Variants in KCNQ1 observed in about 807,000 individuals in gnomAD.
The protein encoded by KCNQ1 is potassium voltage-gated channel subfamily KQT member 1.
A neutral mutation model predicts 72.4 loss-of-function variants in KCNQ1; 49 were observed. The observed-to-expected ratio is 0.68, with a 90% CI of 0.54 to 0.86. The LOEUF (loss-of-function observed/expected upper bound fraction) is 0.86, where lower values mean the gene tolerates loss of function less well. Ranked by LOEUF, KCNQ1 falls within the 40% of genes least tolerant of loss-of-function variation. The probability of loss-of-function intolerance (pLI) is 0.00; values close to 1 mark genes in which losing one functional copy is unlikely to be tolerated. For synonymous variants in KCNQ1, 450 were observed against 412.6 expected (o/e 1.09, Z -1.10); for missense variants, 790 against 945.1 (o/e 0.84, Z 2.15).
rs1172006223 is a variant in KCNQ1 at position 2,462,641 on chromosome 11, G to T, written c.386+17157G>T. On this transcript the variant is annotated intron_variant, in intron 1 of 15. Transcript: ENST00000155840. This position sits in a 1 kb window ranked among gnomAD's most constrained non-coding sequence, Gnocchi z 8.2. ...CTGACTTCTGTGTGCCCTGGGGCCTGCTCTCTTGGTAGGGGTTGACCCTGC... is the reference window on the plus strand; with the variant it reads ...CTGACTTCTGTGTGCCCTGGGGCCTTCTCTCTTGGTAGGGGTTGACCCTGC... Among the ~76,000 whole-genome samples, 1 of 152,066 alleles carries T rather than the reference G, an allele frequency of 6.6e-6. No individual in the cohort carries two copies. The highest frequency in any genetic ancestry group is 1.5e-5 in the Non-Finnish European group (1 of 68,000).
In KCNQ1 at chr11:2,651,308, C is replaced by T; in HGVS notation, c.1394-10653C>T. 1 of 398,722 alleles carries T rather than the reference C, an allele frequency of 2.5e-6. No homozygotes were observed. Among genetic ancestry groups the T allele is most frequent in the Non-Finnish European group, 4.4e-6 (1 of 226,120 alleles). The allele number at this position is 398,722 out of a possible 1,614,324, so 24.7% of individuals were successfully genotyped here. ...TTCATGGTGGGCAGCTGGGAAGCTG[C>T]ACAGAACACTCCTCAGAGTTCTACA... is the stretch of plus-strand genomic sequence containing the variant. On this transcript the variant is annotated intron_variant, in intron 10 of 15. Transcript: ENST00000155840. The surrounding 1 kb of genome is among the most constrained non-coding windows in gnomAD (Gnocchi z 6.1).
intron 15 of KCNQ1, among the ~76,000 whole-genome samples, chr11:2,788,522 C>T (rs894374509): frequency 2.0e-5 from 3 of 152,014 alleles, no homozygotes; most frequent in South Asian, 4.1e-4. Flanking sequence ...TGCCTCTCCT[C>T]GGCAGCTCCC....
At chr11:2,532,019 G>C (rs537864539) in intron 2 of KCNQ1, among the ~76,000 whole-genome samples, 59 of 152,294 alleles carry the variant, frequency 3.9e-4, no homozygotes, top group African/African-American at 1.3e-3. Context: ...GGACATTCCT[G>C]GCTGCCCCAG....
At position 2,715,302 on chromosome 11, in the gene KCNQ1, G is replaced by T. The variant is rs1259106441; in HGVS notation, c.1514+53221G>T. Among the ~76,000 whole-genome samples the T allele has an allele frequency of 6.6e-6, 1 of 152,138 alleles. No individual in the cohort carries two copies. The highest frequency in any genetic ancestry group is 2.4e-5 in the African/African-American group (1 of 41,420). The stretch of plus-strand genomic sequence containing the variant: ...CTCTCTGGAGAGCTCAAGGGAACCT[G>T]TAAAGACCTGCGGGCTGTGTCATGG... On this transcript the variant is annotated intron_variant, in intron 11 of 15. Transcript: ENST00000155840. This position sits in a 1 kb window ranked among gnomAD's most constrained non-coding sequence, Gnocchi z 4.9.
rs1846359662 is a variant in KCNQ1 at position 2,759,723 on chromosome 11, A to G, written c.1515-9121A>G. Among the ~76,000 whole-genome samples the G allele has an allele frequency of 6.6e-6, 1 of 152,194 alleles. No individual in the cohort carries two copies. The highest frequency in any genetic ancestry group is 1.5e-5 in the Non-Finnish European group (1 of 68,016). Reference sequence around the variant, plus strand: ...AGCTTGTCCAGGCAGGGTGGATACAAGGGGCTTGCATCTGACTTAACTGTC... The same window carrying G: ...AGCTTGTCCAGGCAGGGTGGATACAGGGGGCTTGCATCTGACTTAACTGTC... On this transcript the variant is annotated intron_variant, in intron 11 of 15. Transcript: ENST00000155840. This position sits in a 1 kb window ranked among gnomAD's most constrained non-coding sequence, Gnocchi z 4.4.
At position 2,536,445 on chromosome 11, in the gene KCNQ1, G is replaced by A. The variant is rs1847733479; in HGVS notation, c.477+8427G>A. 6.6e-6 allele frequency among the ~76,000 whole-genome samples: 1 copy of A among 152,196 alleles called. No homozygotes were observed. The highest frequency in any genetic ancestry group is 6.5e-5 in the Admixed American group (1 of 15,286). Reference sequence around the variant, plus strand: ...GGCTGGCGCTGCCCTGCCCCACAGGGTGGCTGGCAGGGCTCAGCAGTTGCC... The same window carrying A: ...GGCTGGCGCTGCCCTGCCCCACAGGATGGCTGGCAGGGCTCAGCAGTTGCC... On this transcript the variant is annotated intron_variant, in intron 2 of 15. Transcript: ENST00000155840. The surrounding 1 kb of genome is among the most constrained non-coding windows in gnomAD (Gnocchi z 7.4).
At position 2,624,411 on chromosome 11, in the gene KCNQ1, T is replaced by C. The variant is rs1382578240; in HGVS notation, c.1393+35557T>C. On this transcript the variant is annotated intron_variant, in intron 10 of 15. Coordinates refer to ENST00000155840, the MANE Select transcript of KCNQ1 (RefSeq NM_000218.3). This position sits in a 1 kb window ranked among gnomAD's most constrained non-coding sequence, Gnocchi z 4.9. ...AGTATGTTTTACAGAGCAGAAACTT[T>C]TATTTTTAACAAAGTCTAGCTTATC... 2.5e-6 allele frequency: 1 copy of C among 398,404 alleles called. No individual in the cohort carries two copies. The highest frequency in any genetic ancestry group is 4.4e-6 in the Non-Finnish European group (1 of 226,036). The allele number at this position is 398,404 out of a possible 1,614,324, so 24.7% of individuals were successfully genotyped here. A position where few individuals can be genotyped will look rare whatever the true frequency, so the allele number is the denominator to read the frequency against.
chr11:2,721,503 G>A (rs567151599), intron 11 of KCNQ1, among the ~76,000 whole-genome samples: 1 of 152,368 alleles, frequency 6.6e-6, no homozygotes, highest in African/African-American at 2.4e-5. Flanking sequence ...TCACCCCCAA[G>A]GTGTGAGTGG....
At chr11:2,779,488 G>A (rs1242043085) in intron 15 of KCNQ1, among the ~76,000 whole-genome samples, 2 of 152,164 alleles carry the variant, frequency 1.3e-5, no homozygotes, top group Non-Finnish European at 2.9e-5. Context: ...GGCAGGCGGG[G>A]CGTGAACATC....
At chr11:2,742,221 A>G (rs1846066088) in intron 11 of KCNQ1, among the ~76,000 whole-genome samples, 1 of 152,218 alleles carries the variant, frequency 6.6e-6, no homozygotes, top group African/African-American at 2.4e-5. Context: ...GGGTACCACC[A>G]TGATTTGAGA....
chr11:2,717,746 A>C (rs1230742933), intron 11 of KCNQ1, among the ~76,000 whole-genome samples: 1 of 152,214 alleles, frequency 6.6e-6, no homozygotes, highest in Admixed American at 6.5e-5. Context: ...GCAGGGCAGC[A>C]CTGGGGAGCC....
At chr11:2,760,289 G>GGCAGGCA (rs1846370836) in intron 11 of KCNQ1, among the ~76,000 whole-genome samples, 1 of 151,684 alleles carries the variant, frequency 6.6e-6, no homozygotes, top group African/African-American at 2.4e-5. Flanking sequence ...GCGGGCAGGC[G>GGCAGGCA]GGCGTGGAGG....
At chr11:2,542,610 C>G (rs1847846313) in intron 2 of KCNQ1, among the ~76,000 whole-genome samples, 1 of 152,228 alleles carries the variant, frequency 6.6e-6, no homozygotes, top group East Asian at 1.9e-4. Context: ...GTCGCTGGCC[C>G]CTCCTCCGCT....
intron 10 of KCNQ1, chr11:2,650,880 A>T (rs1321648986): frequency 5.0e-6 from 2 of 398,470 alleles, no homozygotes; most frequent in Non-Finnish European, 8.8e-6. Context: ...GTCAGAGGGG[A>T]TGAGGAGCAG....
chr11:2,639,066 A>G (rs1589997512), intron 10 of KCNQ1: 1 of 152,074 alleles, frequency 6.6e-6, no homozygotes. Flanking sequence ...CTGCTCCATC[A>G]TGTCATTTAA....
intron 11 of KCNQ1, among the ~76,000 whole-genome samples, chr11:2,753,060 A>G (rs1345352761): frequency 2.6e-5 from 4 of 152,062 alleles, no homozygotes; most frequent in African/African-American, 9.7e-5. Flanking sequence ...TGATGCATCA[A>G]CCCAGGGGGA....
intron 15 of KCNQ1, among the ~76,000 whole-genome samples, chr11:2,799,000 A>G (rs942643800): frequency 6.6e-6 from 1 of 152,188 alleles, no homozygotes. Flanking sequence ...ATTAGACAAG[A>G]ATGCAGGTGG....
Position 2,451,564 on chromosome 11 carries a change from C to T in KCNQ1, c.386+6080C>T, listed in dbSNP as rs1218801437. On this transcript the variant is annotated intron_variant, in intron 1 of 15. Coordinates refer to ENST00000155840, the MANE Select transcript of KCNQ1 (RefSeq NM_000218.3). The surrounding 1 kb of genome is among the most constrained non-coding windows in gnomAD (Gnocchi z 6.4). ...GGTCCCAGGCACTGGGTGGATGGAC[C>T]AGCAGAAAGGCTCCCAGGAGGGTCG... is the stretch of plus-strand genomic sequence containing the variant. Among the ~76,000 whole-genome samples, 2 of 152,188 alleles carry T rather than the reference C, an allele frequency of 1.3e-5. No homozygotes were observed. Among genetic ancestry groups the T allele is most frequent in the Non-Finnish European group, 2.9e-5 (2 of 68,032 alleles).
At chr11:2,459,493 C>A (rs893440644) in intron 1 of KCNQ1, among the ~76,000 whole-genome samples, 2 of 152,238 alleles carry the variant, frequency 1.3e-5, no homozygotes, top group South Asian at 4.1e-4. Flanking sequence ...AGCTCTGGTT[C>A]CTTTAAGGGT....
Sources: allele counts gnomAD v4.1 joint callset (sites outside exome capture counted in the v4.1 genomes callset), GRCh38; gene constraint gnomAD v4.1.1; non-coding constraint Gnocchi (gnomAD v3.1); transcripts MANE v1.5; gene names NCBI Gene and HGNC (gene_info 2026-07-23, HGNC 2026-07-21).